The following STIL variants were observed in gnomAD, a reference collection of about 807,000 sequenced individuals.
The protein encoded by STIL is SCL-interrupting locus protein.
Under a neutral mutation model 110.1 loss-of-function variants are expected in STIL, and 55 were observed. The observed-to-expected ratio is 0.50, with a 90% confidence interval of 0.40 to 0.63. The LOEUF is 0.63. Ranked by LOEUF, STIL falls within the 20% of genes least tolerant of loss-of-function variation. The pLI is 0.00. For synonymous variants in STIL, 481 were observed against 530.0 expected, an observed-to-expected ratio of 0.91 and a Z score of 1.27; for missense variants, 1,358 against 1,530.0, an observed-to-expected ratio of 0.89 and a Z score of 1.87.
At chr1:47,270,899 G>A (rs768250995) in intron 13 of STIL, among the ~76,000 whole-genome samples, 8 of 151,684 alleles carry the variant, frequency 5.3e-5, no homozygotes, top group Non-Finnish European at 1.0e-4. Context: ...GGCTGGTCTC[G>A]AACTCCTAGC....
intron 9 of STIL, 102 bp from the exon 10 acceptor site, chr1:47,287,762 G>A: frequency 2.3e-6 from 2 of 878,008 alleles, no homozygotes; most frequent in East Asian, 5.3e-5. Context: ...TGATGGAGTG[G>A]CAGACTTCTG....
Position 47,251,199 on chromosome 1 carries a change from G to A in STIL, c.3804C>T (p.Ser1268=). The A allele has an allele frequency of 6.2e-7, 1 of 1,612,420 alleles. No homozygotes were observed. Among genetic ancestry groups the A allele is most frequent in the Non-Finnish European group, 8.5e-7 (1 of 1,179,618 alleles). The change falls in exon 17 of 17, where the codon AGC becomes AGT. Residue 1268 remains serine, a synonymous_variant. Coordinates refer to ENST00000371877, the MANE Select transcript of STIL (RefSeq NM_001048166.1). The part of the protein sequence containing the change: ...QPSETLKQMN[S]MNSVGTFLDV... The stretch of plus-strand genomic sequence containing the variant: ...CTAAGAAGGTGCCTACTGAATTCAT[G>A]CTATTCATCTGCTTTAGCGTTTCAG...
chr1:47,313,648 C>T (rs1336957980), intron 1 of STIL, among the ~76,000 whole-genome samples: 1 of 152,164 alleles, frequency 6.6e-6, no homozygotes. Flanking sequence ...ATAGCATTCT[C>T]GCACTTTGCT....
In STIL at chr1:47,260,306, A is replaced by G; in HGVS notation, c.3063T>C (p.His1021=). The G allele has an allele frequency of 6.2e-7, 1 of 1,613,948 alleles. No homozygotes were observed. The highest frequency in any genetic ancestry group is 1.1e-5 in the South Asian group (1 of 90,938). ...DSPTKVKKNA[H]NVDHASVLAC... ...AAAGTTACCTGGCGTGATCCACGTTATGTGCATTTTTCTTCACTTTAGTGG... is the reference window on the plus strand; with the variant it reads ...AAAGTTACCTGGCGTGATCCACGTTGTGTGCATTTTTCTTCACTTTAGTGG... Residue 1021 remains histidine, a synonymous_variant, in exon 16 of 17, where the codon CAT becomes CAC. Coordinates refer to ENST00000371877, the MANE Select transcript of STIL (RefSeq NM_001048166.1).
At chr1:47,286,803 T>G (rs1037595258) in intron 10 of STIL, among the ~76,000 whole-genome samples, 1 of 152,216 alleles carries the variant, frequency 6.6e-6, no homozygotes, top group Non-Finnish European at 1.5e-5. Flanking sequence ...GGGTGATCAA[T>G]TTCAGGACCT....
intron 9 of STIL, among the ~76,000 whole-genome samples, chr1:47,288,481 G>A (rs960713137): frequency 2.0e-5 from 3 of 151,898 alleles, no homozygotes; most frequent in African/African-American, 7.3e-5. Flanking sequence ...ATTTTTAGTA[G>A]AGACAGAGTT....
chr1:47,265,462 T>C (rs779537077), intron 14 of STIL, among the ~76,000 whole-genome samples: 1 of 151,424 alleles, frequency 6.6e-6, no homozygotes, highest in Non-Finnish European at 1.5e-5. Flanking sequence ...TGGGTCAAAC[T>C]GTAGTTTTTT....
At position 47,281,030 on chromosome 1, in the gene STIL, T is replaced by C. The variant is rs935122481; in HGVS notation, c.1428A>G (p.Pro476=). ...AGGAAGGCTCTCCAGCTTCAACTTC[T>C]GGACTGTGTTTCTCATCATAAAGCT... ...QPQLYDEKHS[P]EVEAGEPSLR... is the part of the protein sequence containing the mutation. Residue 476 remains proline, a synonymous_variant, in exon 12 of 17, where the codon CCA becomes CCG. Transcript: ENST00000371877. 4.3e-6 allele frequency: 7 copies of C among 1,614,064 alleles called. No individual in the cohort carries two copies. In the African/African-American group the frequency reaches 5.3e-5, roughly 12 times the overall value.
chr1:47,275,384 G>A (rs927470932), intron 12 of STIL, among the ~76,000 whole-genome samples: 7 of 151,532 alleles, frequency 4.6e-5, no homozygotes, highest in East Asian at 1.9e-4. Context: ...TGAGGCGGGC[G>A]GATCACAAGG....
At chr1:47,310,737 T>A (rs1382324411) in intron 1 of STIL, among the ~76,000 whole-genome samples, 6 of 151,998 alleles carry the variant, frequency 3.9e-5, no homozygotes, top group Admixed American at 3.9e-4. Context: ...CAGAAAAAAA[T>A]GATTTGGGCT....
Position 47,299,839 on chromosome 1 carries a change from A to G in STIL, c.701+66T>C, listed in dbSNP as rs1245963341. The stretch of plus-strand genomic sequence containing the variant: ...TAAATTGACTGGACAATTCTTTCAC[A>G]TTACATGGACATTCTGAAAATATAC... On this transcript the variant is annotated intron_variant, in intron 6 of 16. Coordinates refer to ENST00000371877, the MANE Select transcript of STIL (RefSeq NM_001048166.1). The G allele has an allele frequency of 8.5e-6, 13 of 1,524,454 alleles. No homozygotes were observed. The East Asian group carries it at 2.8e-4, about 32-fold the overall frequency. 94.4% of individuals were successfully genotyped at this position (1,524,454 alleles called of 1,614,324 possible). A position where few individuals can be genotyped will look rare whatever the true frequency, so the allele number is the denominator to read the frequency against.
At chr1:47,312,190 C>T (rs890545281) in intron 1 of STIL, among the ~76,000 whole-genome samples, 12 of 152,096 alleles carry the variant, frequency 7.9e-5, no homozygotes, top group African/African-American at 2.4e-4. Context: ...GAAAAACGTG[C>T]TTCTAATAAA....
chr1:47,263,544 T>C (rs1644543341), intron 14 of STIL, among the ~76,000 whole-genome samples: 1 of 152,058 alleles, frequency 6.6e-6, no homozygotes, highest in Non-Finnish European at 1.5e-5. Flanking sequence ...CCTATTTCTA[T>C]AAGAAACAAA....
At chr1:47,294,111 T>C (rs1251506505) in intron 7 of STIL, among the ~76,000 whole-genome samples, 1 of 152,230 alleles carries the variant, frequency 6.6e-6, no homozygotes, top group Non-Finnish European at 1.5e-5. Flanking sequence ...TCATTCACTT[T>C]GCATGTGCCA....
In STIL at chr1:47,267,666, CT is replaced by C. The variant is rs1471539834; in HGVS notation, c.2615+1968del. Among the ~76,000 whole-genome samples the C allele has an allele frequency of 1.7e-3, 62 of 37,052 alleles. No individual in the cohort carries two copies. The South Asian group carries it at 0.048, about 29-fold the overall frequency. The allele number at this position is 37,052 out of a possible 152,430, so 24.3% of individuals were successfully genotyped here. Reference sequence around the variant, plus strand: ...CCAGCCAGGGCGACAGAGCGAGTATCTAAAAAAAAAAAAAAAAAAAAAAATT... The same window carrying C: ...CCAGCCAGGGCGACAGAGCGAGTATCAAAAAAAAAAAAAAAAAAAAAAATT... On this transcript the variant is annotated intron_variant, in intron 14 of 16. Transcript: ENST00000371877.
chr1:47,285,647 G>A (rs149918850), intron 10 of STIL, among the ~76,000 whole-genome samples: 1,587 of 151,402 alleles, frequency 0.01, 36 homozygotes, highest in African/African-American at 0.037. Context: ...TAGTAAAGAC[G>A]GGGTTTCACC....
chr1:47,276,202 A>G (rs1644986483), intron 12 of STIL, among the ~76,000 whole-genome samples: 1 of 151,724 alleles, frequency 6.6e-6, no homozygotes, highest in African/African-American at 2.4e-5. Context: ...GGATTTCACC[A>G]TGTTGGCCAG....
At chr1:47,275,592 A>T (rs979879293) in intron 12 of STIL, among the ~76,000 whole-genome samples, 1 of 152,100 alleles carries the variant, frequency 6.6e-6, no homozygotes, top group Non-Finnish European at 1.5e-5. Flanking sequence ...TGGGTGACAC[A>T]GTGAGACTCC....
intron 16 of STIL, among the ~76,000 whole-genome samples, chr1:47,257,217 C>A (rs561272202): frequency 1.3e-5 from 2 of 152,164 alleles, no homozygotes; most frequent in Non-Finnish European, 2.9e-5. Context: ...TGAAACAATG[C>A]GAATTAATCA....
Sources: gnomAD v4.1 joint callset for allele counts (sites outside exome capture counted in the v4.1 genomes callset) on GRCh38, gnomAD v4.1.1 for gene constraint, MANE v1.5 for transcripts, NCBI Gene and HGNC (gene_info 2026-07-23, HGNC 2026-07-21) for gene names.